The following VPS33B variants were observed in gnomAD, a reference collection of about 807,000 sequenced individuals.
VPS33B encodes the protein vacuolar protein sorting-associated protein 33B.
Under a neutral mutation model 95.3 loss-of-function variants are expected in VPS33B, and 80 were observed. The observed-to-expected ratio is 0.84, with a 90% CI of 0.70 to 1.01. The LOEUF is 1.01. Ranked by LOEUF, VPS33B falls within the 50% of genes least tolerant of loss-of-function variation. The probability of loss-of-function intolerance (pLI) is 0.00; values close to 1 mark genes in which losing one functional copy is unlikely to be tolerated. For synonymous variants in VPS33B, 280 were observed against 280.4 expected, an observed-to-expected ratio of 1.00 and a Z score of 0.01; for missense variants, 715 against 773.4, an observed-to-expected ratio of 0.92 and a Z score of 0.90.
chr15:91,017,773 G>A, intron 2 of VPS33B, 32 bp downstream of exon 2: 1 of 1,607,036 alleles, frequency 6.2e-7, no homozygotes, highest in Non-Finnish European at 8.5e-7. Flanking sequence ...TGCTTAAAGA[G>A]GGGCATGGCC....
chr15:91,014,461 TGAA>T (rs765227464), intron 3 of VPS33B, 28 bp from the exon 4 acceptor site: 24 of 1,611,116 alleles, frequency 1.5e-5, no homozygotes, highest in South Asian at 2.2e-5. Flanking sequence ...AAAAAAACAG[TGAA>T]GAAGAATTAT....
Position 91,006,171 on chromosome 15 carries a change from T to C in VPS33B, c.853-112A>G. On this transcript the variant is annotated intron_variant, in intron 11 of 22. Coordinates refer to ENST00000333371, the MANE Select transcript of VPS33B (RefSeq NM_018668.5). The surrounding 1 kb of genome is among the most constrained non-coding windows in gnomAD (Gnocchi z 5.4). The stretch of plus-strand genomic sequence containing the variant: ...GTTCTGGCAGAAATACAAAGAAAGC[T>C]GAGCTGGGATCTGTAAGTCCATATC... 7.2e-7 allele frequency: 1 copy of C among 1,381,852 alleles called. No individual in the cohort carries two copies. Among genetic ancestry groups the C allele is most frequent in the East Asian group, 2.3e-5 (1 of 43,148 alleles). 85.6% of individuals were successfully genotyped at this position (1,381,852 alleles called of 1,614,324 possible).
In VPS33B at chr15:91,007,808, C is replaced by T; in HGVS notation, c.498+62G>A. The T allele has an allele frequency of 6.8e-7, 1 of 1,470,008 alleles. No homozygotes were observed. The highest frequency in any genetic ancestry group is 9.5e-7 in the Non-Finnish European group (1 of 1,049,292). 91.1% of individuals were successfully genotyped at this position (1,470,008 alleles called of 1,614,324 possible). A position where few individuals can be genotyped will look rare whatever the true frequency, so the allele number is the denominator to read the frequency against. ...CAAAGGTTATATTGGTATTTCTAGCCCTCTGCATCCCACATTTGTCCCCAT... is the reference window on the plus strand; with the variant it reads ...CAAAGGTTATATTGGTATTTCTAGCTCTCTGCATCCCACATTTGTCCCCAT... On this transcript the variant is annotated intron_variant, in intron 7 of 22. Transcript: ENST00000333371. The surrounding 1 kb of genome is among the most constrained non-coding windows in gnomAD (Gnocchi z 5.3).
chr15:91,005,061 G>T lies in VPS33B; in HGVS notation c.1164C>A (p.Asp388Glu). The T allele has an allele frequency of 1.2e-6, 2 of 1,614,212 alleles. No homozygotes were observed. Among genetic ancestry groups the T allele is most frequent in the South Asian group, 2.2e-5 (2 of 91,088 alleles). Residue 388 changes from aspartate to glutamate, a missense_variant, in exon 15 of 23, where the codon GAC becomes GAA. By Grantham distance (45) the Asp-to-Glu change is conservative (BLOSUM62 2). Coordinates refer to ENST00000333371, the MANE Select transcript of VPS33B (RefSeq NM_018668.5). This position sits in a 1 kb window ranked among gnomAD's most constrained non-coding sequence, Gnocchi z 6.4. Reference protein sequence around the residue: ...ESTSYIEEHIDRQVSPIESLR... With the variant: ...ESTSYIEEHIERQVSPIESLR... ...CAGCCCTCCACCTGCGCACCTGCCG[G>T]TCTATGTGTTCCTCAATGTAGCTGG... is the stretch of plus-strand genomic sequence containing the variant.
chr15:91,005,948 A>G lies in VPS33B; in HGVS notation c.939+25T>C. The G allele has an allele frequency of 1.9e-6, 3 of 1,613,526 alleles. No homozygotes were observed. Among genetic ancestry groups the G allele is most frequent in the Non-Finnish European group, 2.5e-6 (3 of 1,179,716 alleles). On this transcript the variant is annotated intron_variant, in intron 12 of 22. Coordinates refer to ENST00000333371, the MANE Select transcript of VPS33B (RefSeq NM_018668.5). The surrounding 1 kb of genome is among the most constrained non-coding windows in gnomAD (Gnocchi z 6.4). ...TGGGAAGCCACTGAGGCAACAAAAC[A>G]GAGGAGCAGGGCTTGGAGCCTCACA...
At position 91,010,457 on chromosome 15, in the gene VPS33B, C is replaced by G. The variant is rs1218984242; in HGVS notation, c.358-611G>C. ...CTCTACAAAACAATGCAAAAATTAGCTGGGCATGGTGGTGTGTGCCTGTAG... is the reference window on the plus strand; with the variant it reads ...CTCTACAAAACAATGCAAAAATTAGGTGGGCATGGTGGTGTGTGCCTGTAG... On this transcript the variant is annotated intron_variant, in intron 5 of 22. Coordinates refer to ENST00000333371, the MANE Select transcript of VPS33B (RefSeq NM_018668.5). This position sits in a 1 kb window ranked among gnomAD's most constrained non-coding sequence, Gnocchi z 5.7. Among the ~76,000 whole-genome samples, 1 of 152,124 alleles carries G rather than the reference C, an allele frequency of 6.6e-6. No homozygotes were observed. Among genetic ancestry groups the G allele is most frequent in the Non-Finnish European group, 1.5e-5 (1 of 68,028 alleles).
At chr15:91,004,217 T>A (rs1333682631) in intron 16 of VPS33B, among the ~76,000 whole-genome samples, 1 of 135,632 alleles carries the variant, frequency 7.4e-6, no homozygotes, top group Non-Finnish European at 1.5e-5. Flanking sequence ...AGCAAGACTC[T>A]GTCTTAAAAA....
At chr15:91,012,513 T>G (rs1390664876) in intron 5 of VPS33B, among the ~76,000 whole-genome samples, 1 of 152,204 alleles carries the variant, frequency 6.6e-6, no homozygotes, top group African/African-American at 2.4e-5. Flanking sequence ...GTGGATTTTA[T>G]CCAGACAGCC....
chr15:91,020,544 T>A (rs113646844), intron 1 of VPS33B, among the ~76,000 whole-genome samples: 1 of 152,166 alleles, frequency 6.6e-6, no homozygotes, highest in Non-Finnish European at 1.5e-5. Context: ...CAGACATTGT[T>A]GCAAGTCTTT....
chr15:91,008,197 T>C (rs2040672104), intron 6 of VPS33B, among the ~76,000 whole-genome samples: 1 of 152,146 alleles, frequency 6.6e-6, no homozygotes, highest in Non-Finnish European at 1.5e-5. Context: ...TGTAATACAA[T>C]GTGATAAGTG....
chr15:91,003,248 T>C, intron 16 of VPS33B, 117 bp from the exon 17 acceptor site: 4 of 1,013,202 alleles, frequency 3.9e-6, no homozygotes, highest in Non-Finnish European at 6.3e-6. Context: ...CAGTAAATGT[T>C]AACCCTGCAG....
downstream of VPS33B, chr15:90,998,643 T>C (rs1042036659): frequency 5.7e-5 from 22 of 385,174 alleles, no homozygotes; most frequent in African/African-American, 3.3e-4. The surrounding 1 kb of genome is among the most constrained non-coding windows in gnomAD (Gnocchi z 4.8). Context: ...CTAATAAAGA[T>C]GGAAGTGCGT....
chr15:91,011,174 G>A lies in VPS33B; in HGVS notation c.358-1328C>T, dbSNP rs903821983. On this transcript the variant is annotated intron_variant, in intron 5 of 22. Coordinates refer to ENST00000333371, the MANE Select transcript of VPS33B (RefSeq NM_018668.5). This position sits in a 1 kb window ranked among gnomAD's most constrained non-coding sequence, Gnocchi z 5.5. ...ACGATCTCTTCCTCCTTTGAGGTAA[G>A]TGGGGAAAGGGTGAATATTTTAAAG... is the stretch of plus-strand genomic sequence containing the variant. Among the ~76,000 whole-genome samples the A allele has an allele frequency of 1.9e-4, 29 of 152,254 alleles. No individual in the cohort carries two copies. The highest frequency in any genetic ancestry group is 7.0e-4 in the African/African-American group (29 of 41,468).
At chr15:91,001,256 G>C (rs2040426767) in intron 19 of VPS33B, 133 bp downstream of exon 19, 9 of 656,740 alleles carry the variant, frequency 1.4e-5, no homozygotes, top group Non-Finnish European at 2.1e-5. Context: ...GTTGCAGTGA[G>C]CTGAGATTGT....
In VPS33B at chr15:91,022,398, C is replaced by T; in HGVS notation, c.-149G>A. ...GATGGGCCCTCGCTCCTCAGCAGCA[C>T]TCCAGGAATGAATGGCCACCTCCAG... On this transcript the variant is annotated 5_prime_UTR_variant, in exon 1 of 23. It adds an upstream start codon to the 5' untranslated region. Transcript: ENST00000333371. 1 of 704,252 alleles carries T rather than the reference C, an allele frequency of 1.4e-6. No homozygotes were observed. Among genetic ancestry groups the T allele is most frequent in the Non-Finnish European group, 2.3e-6 (1 of 433,220 alleles). The allele number at this position is 704,252 out of a possible 1,614,324, so 43.6% of individuals were successfully genotyped here. A position where few individuals can be genotyped will look rare whatever the true frequency, so the allele number is the denominator to read the frequency against.
rs2040383532 is a variant in VPS33B, at chr15:90,999,833, C to A, written c.1658-40G>T. 6.2e-7 allele frequency: 1 copy of A among 1,613,932 alleles called. No individual in the cohort carries two copies. The highest frequency in any genetic ancestry group is 1.3e-5 in the African/African-American group (1 of 74,908). The stretch of plus-strand genomic sequence containing the variant: ...CCAGATTCAGCCCTTCCCTGACATG[C>A]TAGTCCTGAGTGGTGCATCCAGCCC... On this transcript the variant is annotated intron_variant, in intron 21 of 22. Coordinates refer to ENST00000333371, the MANE Select transcript of VPS33B (RefSeq NM_018668.5). The surrounding 1 kb of genome is among the most constrained non-coding windows in gnomAD (Gnocchi z 5.1).
Position 90,999,878 on chromosome 15 carries a change from C to A in VPS33B, c.1657+22G>T, listed in dbSNP as rs375413257. The A allele has an allele frequency of 8.7e-6, 14 of 1,614,202 alleles. No homozygotes were observed. Among genetic ancestry groups the A allele is most frequent in the Non-Finnish European group, 1.2e-5 (14 of 1,180,020 alleles). ...CAGCCCACCTCTCACTGCCAGCCTA[C>A]CCCACTGTTAATGCCACATACCTGT... On this transcript the variant is annotated intron_variant, in intron 21 of 22. Transcript: ENST00000333371. The surrounding 1 kb of genome is among the most constrained non-coding windows in gnomAD (Gnocchi z 5.1).
rs58230462 is a variant in VPS33B, at chr15:91,011,990, A to AAAAAC, written c.357+1809_357+1813dup. ...GGTGACAGAGCAATGCACTGTCTCC[A>AAAAAC]AAAACAAAACAAAACAAAACAAAAC... is the stretch of plus-strand genomic sequence containing the variant. On this transcript the variant is annotated intron_variant, in intron 5 of 22. Transcript: ENST00000333371. This position sits in a 1 kb window ranked among gnomAD's most constrained non-coding sequence, Gnocchi z 5.5. 0.068 allele frequency among the ~76,000 whole-genome samples: 10,132 copies of AAAAAC among 149,318 alleles called. 406 individuals carry two copies. Among genetic ancestry groups the AAAAAC allele is most frequent in the African/African-American group, 0.096 (3,841 of 39,926 alleles).
In VPS33B at chr15:90,999,352, A is replaced by G. The variant is rs1159534989; in HGVS notation, c.1775-298T>C. On this transcript the variant is annotated intron_variant, in intron 22 of 22. Coordinates refer to ENST00000333371, the MANE Select transcript of VPS33B (RefSeq NM_018668.5). This position sits in a 1 kb window ranked among gnomAD's most constrained non-coding sequence, Gnocchi z 5.1. ...TTTTCTCTTGAGATGGAGTTTTGCTATTGTTGCCCAGGCTGGAGTGCAATG... is the reference window on the plus strand; with the variant it reads ...TTTTCTCTTGAGATGGAGTTTTGCTGTTGTTGCCCAGGCTGGAGTGCAATG... The G allele has an allele frequency of 8.8e-5, 45 of 512,378 alleles. No homozygotes were observed. The East Asian group carries it at 1.5e-3, about 17-fold the overall frequency. The allele number at this position is 512,378 out of a possible 1,614,324, so 31.7% of individuals were successfully genotyped here.
Sources: allele counts gnomAD v4.1 joint callset (sites outside exome capture counted in the v4.1 genomes callset), GRCh38; gene constraint gnomAD v4.1.1; non-coding constraint Gnocchi (gnomAD v3.1); transcripts MANE v1.5; gene names NCBI Gene and HGNC (gene_info 2026-07-23, HGNC 2026-07-21).